Variants in VPS50 observed in about 807,000 individuals in gnomAD.
VPS50 encodes the protein syndetin.
In VPS50, 70 loss-of-function variants were observed where a neutral mutation model predicts 139.7. The ratio of observed to expected loss-of-function variants is 0.50; its 90% CI spans 0.41 to 0.61. The LOEUF (loss-of-function observed/expected upper bound fraction) is 0.61. VPS50 is among the 20% of genes least tolerant of loss of function. VPS50 has a pLI of 0.00. For missense variants in VPS50, 921 were observed against 1,133.7 expected, an observed-to-expected ratio of 0.81 and a Z score of 2.69; for synonymous variants, 365 against 376.7, an observed-to-expected ratio of 0.97 and a Z score of 0.36.
At chr7:93,295,134 G>T (rs1453210546) in intron 14 of VPS50, among the ~76,000 whole-genome samples, 2 of 152,076 alleles carry the variant, frequency 1.3e-5, no homozygotes, top group Non-Finnish European at 2.9e-5. Flanking sequence ...TCTGGTTTTA[G>T]TCCATTTGGG....
chr7:93,323,882 T>C (rs964597406), intron 21 of VPS50, 150 bp downstream of exon 21: 4 of 372,036 alleles, frequency 1.1e-5, no homozygotes, highest in African/African-American at 8.4e-5. Context: ...CAGCCTTCTG[T>C]CTGCCTTATT....
chr7:93,342,826 A>G (rs1026352030), intron 23 of VPS50, among the ~76,000 whole-genome samples: 46 of 152,322 alleles, frequency 3.0e-4, no homozygotes, highest in Non-Finnish European at 2.9e-4. Flanking sequence ...CCAAAAACCC[A>G]TCTGTACATC....
At chr7:93,337,776 T>C (rs1456427831) in intron 22 of VPS50, among the ~76,000 whole-genome samples, 3 of 152,114 alleles carry the variant, frequency 2.0e-5, no homozygotes, top group Non-Finnish European at 4.4e-5. Flanking sequence ...TGTGCTCACT[T>C]AACCTGTACA....
chr7:93,305,518 A>G (rs2116974053), intron 17 of VPS50, among the ~76,000 whole-genome samples: 1 of 151,990 alleles, frequency 6.6e-6, no homozygotes, highest in Non-Finnish European at 1.5e-5. Flanking sequence ...AAATTTTTAG[A>G]AGACATCATT....
At chr7:93,297,120 T>G in intron 15 of VPS50, 25 bp from the exon 16 acceptor site, 1 of 1,548,600 alleles carries the variant, frequency 6.5e-7, no homozygotes, top group South Asian at 1.3e-5. Context: ...TGCTGAAATT[T>G]ACTGAAACCT....
At chr7:93,305,722 A>G in intron 17 of VPS50, 106 bp from the exon 18 acceptor site, 6 of 783,394 alleles carry the variant, frequency 7.7e-6, no homozygotes, top group South Asian at 6.3e-5. Context: ...ACTGAAGATC[A>G]AGATGTTGTT....
chr7:93,270,980 A>G, intron 9 of VPS50: 1 of 416,794 alleles, frequency 2.4e-6, no homozygotes, highest in Non-Finnish European at 3.7e-6. Context: ...CAGTTTTTTT[A>G]TTTTTATCTG....
intron 9 of VPS50, among the ~76,000 whole-genome samples, chr7:93,268,253 G>A (rs554715546): frequency 2.0e-5 from 3 of 152,158 alleles, no homozygotes; most frequent in Non-Finnish European, 2.9e-5. Flanking sequence ...TTGGTTGATG[G>A]TGTTTGTCAA....
At chr7:93,324,178 A>T (rs1183783638) in intron 21 of VPS50, among the ~76,000 whole-genome samples, 1 of 152,174 alleles carries the variant, frequency 6.6e-6, no homozygotes, top group Admixed American at 6.5e-5. Flanking sequence ...TTGCTTAAGG[A>T]TATTTTGGGC....
In VPS50 at chr7:93,252,706, G is replaced by C. The variant is rs372697126; in HGVS notation, c.156G>C (p.Glu52Asp). The C allele has an allele frequency of 5.6e-6, 9 of 1,596,986 alleles. No homozygotes were observed. In the African/African-American group the frequency reaches 1.2e-4, roughly 21 times the overall value. ...EQPSDPQAEQ[E>D]LINSIEQVYF... is the part of the protein sequence containing the mutation. ...CAAGTGACCCTCAAGCTGAACAAGA[G>C]CTTATTAATAGTATTGAACAAGTAT... The change falls in exon 3 of 28, where the codon GAG (glutamate) becomes GAC (aspartate). Residue 52 changes from glutamate to aspartate, a missense_variant. Coordinates refer to ENST00000305866, the MANE Select transcript of VPS50 (RefSeq NM_017667.4).
At chr7:93,350,105 C>G in intron 25 of VPS50, 72 bp downstream of exon 25, 1 of 1,022,230 alleles carries the variant, frequency 9.8e-7, no homozygotes, top group Non-Finnish European at 1.4e-6. Flanking sequence ...TGCAGTGGCT[C>G]TAAAATAGTA....
rs958260716 is a variant in VPS50 at position 93,253,931 on chromosome 7, A to G, written c.297A>G (p.Ala99=). ...YRDKLKQQQA[A]VSKKVADLIL... ...ACAAATTGAAACAACAGCAAGCTGC[A>G]GTAAGTAAAAAAAAAACACATTTCT... The change falls in exon 4 of 28, where the codon GCA becomes GCG. Residue 99 remains alanine, a splice_region_variant and synonymous_variant. Transcript: ENST00000305866. 12 of 1,557,908 alleles carry G rather than the reference A, an allele frequency of 7.7e-6. No homozygotes were observed. The highest frequency in any genetic ancestry group is 1.2e-5 in the South Asian group (1 of 85,680).
Position 93,276,238 on chromosome 7 carries a change from A to G in VPS50, c.875A>G (p.Tyr292Cys). The G allele has an allele frequency of 6.2e-7, 1 of 1,613,668 alleles. No homozygotes were observed. Among genetic ancestry groups the G allele is most frequent in the Non-Finnish European group, 8.5e-7 (1 of 1,179,698 alleles). ...HNTVFQVVLGYVELCAGNTDT... is the reference protein window; with the variant it reads ...HNTVFQVVLGCVELCAGNTDT... ...ACCGTGTTTCAAGTTGTTCTTGGTT[A>G]TGTGGAACTATGTGCAGGAAACACA... The change falls in exon 12 of 28, where the codon TAT (tyrosine) becomes TGT (cysteine). Residue 292 changes from tyrosine to cysteine, a missense_variant. This residue lies in a region of VPS50 where 744 missense variants were observed against 930.6 expected (regional missense o/e 0.80). Coordinates refer to ENST00000305866, the MANE Select transcript of VPS50 (RefSeq NM_017667.4).
In VPS50 at chr7:93,253,947, A is replaced by AG. The variant is rs752255405; in HGVS notation, c.297+16_297+17insG. On this transcript the variant is annotated intron_variant, in intron 4 of 27. Coordinates refer to ENST00000305866, the MANE Select transcript of VPS50 (RefSeq NM_017667.4). ...GCAAGCTGCAGTAAGTAAAAAAAAAACACATTTCTTTCTGGCAAAACTCTA... is the reference window on the plus strand; with the variant it reads ...GCAAGCTGCAGTAAGTAAAAAAAAAAGCACATTTCTTTCTGGCAAAACTCTA... 3 of 1,483,542 alleles carry AG rather than the reference A, an allele frequency of 2.0e-6. No homozygotes were observed. Among genetic ancestry groups the AG allele is most frequent in the South Asian group, 1.2e-5 (1 of 81,564 alleles). The allele number at this position is 1,483,542 out of a possible 1,614,324, so 91.9% of individuals were successfully genotyped here. A position where few individuals can be genotyped will look rare whatever the true frequency, so the allele number is the denominator to read the frequency against.
At chr7:93,243,276 G>A (rs1795049547) in intron 2 of VPS50, among the ~76,000 whole-genome samples, 1 of 151,974 alleles carries the variant, frequency 6.6e-6, no homozygotes, top group Non-Finnish European at 1.5e-5. Flanking sequence ...TCAGAGCCAA[G>A]ATCAGTGGTG....
At chr7:93,248,377 T>C (rs1584384834) in intron 2 of VPS50, among the ~76,000 whole-genome samples, 2 of 152,036 alleles carry the variant, frequency 1.3e-5, no homozygotes, top group East Asian at 1.9e-4. Context: ...TGTATTTTTG[T>C]ACATCTCCCA....
chr7:93,294,769 G>A, intron 14 of VPS50, 133 bp downstream of exon 14: 1 of 682,250 alleles, frequency 1.5e-6, no homozygotes, highest in Non-Finnish European at 2.3e-6. Context: ...TTTGGAATTA[G>A]GCTATCATTT....
intron 18 of VPS50, among the ~76,000 whole-genome samples, chr7:93,308,376 C>G (rs1562879456): frequency 1.3e-5 from 2 of 151,914 alleles, no homozygotes; most frequent in Non-Finnish European, 1.5e-5. Flanking sequence ...TGAATTAGAA[C>G]ATCAGCATGT....
intron 9 of VPS50, among the ~76,000 whole-genome samples, chr7:93,267,650 G>T (rs762433898): frequency 6.6e-6 from 1 of 152,146 alleles, no homozygotes; most frequent in East Asian, 1.9e-4. Flanking sequence ...TATGAAGGTT[G>T]TGGGGGTAGT....
Sources: gnomAD v4.1 joint callset for allele counts (sites outside exome capture counted in the v4.1 genomes callset) on GRCh38, gnomAD v4.1.1 for gene constraint, gnomAD v4.1.1 regional missense constraint, MANE v1.5 for transcripts, NCBI Gene and HGNC (gene_info 2026-07-23, HGNC 2026-07-21) for gene names.